The following CRAMP1 variants were observed in gnomAD, a reference collection of about 807,000 sequenced individuals.
CRAMP1 encodes the protein cramped chromatin regulator 1.
Under a neutral mutation model 115.4 loss-of-function variants are expected in CRAMP1, and 50 were observed. The ratio of observed to expected loss-of-function variants is 0.43; its 90% CI spans 0.35 to 0.55. The LOEUF (loss-of-function observed/expected upper bound fraction) is 0.55. Ranked by LOEUF, CRAMP1 falls within the 20% of genes least tolerant of loss-of-function variation. CRAMP1 has a pLI of 0.01. For missense variants in CRAMP1, 1,679 were observed against 1,721.7 expected (o/e 0.98, Z 0.44); for synonymous variants, 866 against 745.4 (o/e 1.16, Z -2.64).
rs1273007050 is a variant in CRAMP1 at position 1,666,404 on chromosome 16, C to T, written c.2858-18C>T. 7 of 1,605,824 alleles carry T rather than the reference C, an allele frequency of 4.4e-6. No homozygotes were observed. Among genetic ancestry groups the T allele is most frequent in the East Asian group, 2.2e-5 (1 of 44,636 alleles). On this transcript the variant is annotated intron_variant, in intron 15 of 20. Transcript: ENST00000397412. This position sits in a 1 kb window ranked among gnomAD's most constrained non-coding sequence, Gnocchi z 5.0. ...TTGTCAGTAGAGCAGAGATGTGCAG[C>T]GTCCTTTTTGTTGCCAGGTGCTATC...
At chr16:1,649,307 C>T (rs2036702931) in intron 6 of CRAMP1, among the ~76,000 whole-genome samples, 2 of 151,880 alleles carry the variant, frequency 1.3e-5, no homozygotes, top group Admixed American at 6.6e-5. Flanking sequence ...CAGACGGACA[C>T]GTGAGTGGAT....
At chr16:1,636,696 T>G (rs536779188) in intron 4 of CRAMP1, among the ~76,000 whole-genome samples, 1 of 152,328 alleles carries the variant, frequency 6.6e-6, no homozygotes, top group South Asian at 2.1e-4. Flanking sequence ...TTAGGTCTGG[T>G]GTAATACAGT....
intron 4 of CRAMP1, among the ~76,000 whole-genome samples, chr16:1,637,186 T>G (rs2036595872): frequency 6.6e-6 from 1 of 151,722 alleles, no homozygotes; most frequent in African/African-American, 2.4e-5. Flanking sequence ...CTCAGCTACT[T>G]GGGAGGCTGA....
chr16:1,633,749 C>G (rs1281929756), intron 4 of CRAMP1, among the ~76,000 whole-genome samples: 2 of 152,134 alleles, frequency 1.3e-5, no homozygotes, highest in African/African-American at 4.8e-5. Context: ...TGTCGTCTGT[C>G]CTTTGCATCG....
At chr16:1,662,374 G>A in intron 11 of CRAMP1, 116 bp from the exon 12 acceptor site, 2 of 789,766 alleles carry the variant, frequency 2.5e-6, no homozygotes, top group Non-Finnish European at 4.2e-6. Flanking sequence ...TTTCAAGGCA[G>A]CCGAACGGGT....
intron 6 of CRAMP1, among the ~76,000 whole-genome samples, chr16:1,641,713 T>G (rs1341338744): frequency 6.6e-6 from 1 of 152,214 alleles, no homozygotes; most frequent in Non-Finnish European, 1.5e-5. Context: ...GATGGTCCAG[T>G]TGACATCTGC....
intron 5 of CRAMP1, among the ~76,000 whole-genome samples, chr16:1,640,406 C>CTA (rs2036622412): frequency 6.6e-6 from 1 of 152,184 alleles, no homozygotes; most frequent in East Asian, 1.9e-4. Flanking sequence ...GGTGCATTGT[C>CTA]TGTCTGTGGC....
At chr16:1,620,323 G>T (rs968455889) in intron 2 of CRAMP1, among the ~76,000 whole-genome samples, 2 of 152,208 alleles carry the variant, frequency 1.3e-5, no homozygotes, top group African/African-American at 4.8e-5. Flanking sequence ...AGGCCATGAG[G>T]ACGTTTCCCG....
At chr16:1,638,982 C>T (rs1319189077) in intron 5 of CRAMP1, among the ~76,000 whole-genome samples, 2 of 152,040 alleles carry the variant, frequency 1.3e-5, no homozygotes, top group Non-Finnish European at 2.9e-5. Flanking sequence ...CACTCATGTC[C>T]GTGGGCCTCG....
At position 1,614,991 on chromosome 16, in the gene CRAMP1, G is replaced by A; in HGVS notation, c.346+6G>A. The A allele has an allele frequency of 1.6e-6, 2 of 1,249,210 alleles. No homozygotes were observed. The highest frequency in any genetic ancestry group is 7.4e-5 in the South Asian group (2 of 27,138). 77.4% of individuals were successfully genotyped at this position (1,249,210 alleles called of 1,614,324 possible). On this transcript the variant is annotated splice_donor_region_variant and intron_variant, in intron 2 of 20. Coordinates refer to ENST00000397412, the MANE Select transcript of CRAMP1 (RefSeq NM_020825.4). The surrounding 1 kb of genome is among the most constrained non-coding windows in gnomAD (Gnocchi z 4.4). ...CTCGGGGCCCCGCGGAAAAGGTAGGGCGGCCCGTCCCCTTGGGAGACCCCA... is the reference window on the plus strand; with the variant it reads ...CTCGGGGCCCCGCGGAAAAGGTAGGACGGCCCGTCCCCTTGGGAGACCCCA...
At chr16:1,668,268 C>G in intron 18 of CRAMP1, 75 bp downstream of exon 18, 3 of 1,096,074 alleles carry the variant, frequency 2.7e-6, no homozygotes, top group Non-Finnish European at 4.2e-6. Flanking sequence ...GCCACACTTC[C>G]TGGGGATATT....
chr16:1,624,393 T>C (rs1017875659), intron 2 of CRAMP1, among the ~76,000 whole-genome samples: 2 of 151,794 alleles, frequency 1.3e-5, no homozygotes, highest in African/African-American at 2.4e-5. Flanking sequence ...ATTTTTACAA[T>C]AATCTACATT....
intron 3 of CRAMP1, among the ~76,000 whole-genome samples, chr16:1,626,427 G>T (rs953221168): frequency 2.6e-5 from 4 of 152,126 alleles, no homozygotes; most frequent in African/African-American, 9.7e-5. Flanking sequence ...TTTCCTTTTG[G>T]ATATTCTCAC....
chr16:1,664,886 C>G (rs1424456601), intron 13 of CRAMP1, among the ~76,000 whole-genome samples, 171 bp from the exon 14 acceptor site: 1 of 152,070 alleles, frequency 6.6e-6, no homozygotes, highest in Non-Finnish European at 1.5e-5. Flanking sequence ...GCTTGGGGTA[C>G]ATGGGTCCTA....
intron 6 of CRAMP1, among the ~76,000 whole-genome samples, 195 bp downstream of exon 6, chr16:1,641,382 C>A (rs909120653): frequency 1.3e-5 from 2 of 152,156 alleles, no homozygotes; most frequent in Admixed American, 1.3e-4. Context: ...GTGCCTGCCC[C>A]GGGGAGGGAA....
chr16:1,641,562 G>A (rs982551602), intron 6 of CRAMP1, among the ~76,000 whole-genome samples: 8 of 152,082 alleles, frequency 5.3e-5, no homozygotes, highest in African/African-American at 1.2e-4. Flanking sequence ...CATTTTTGTC[G>A]TGTCCTGGGC....
At position 1,627,135 on chromosome 16, in the gene CRAMP1, C is replaced by T. The variant is rs371496215; in HGVS notation, c.540+969C>T. On this transcript the variant is annotated intron_variant, in intron 3 of 20. Coordinates refer to ENST00000397412, the MANE Select transcript of CRAMP1 (RefSeq NM_020825.4). ...ACAGTATTAGAATTAGGTTCGTGATCGGTGAGCCTTGTTCTTTTTTTTTTT... is the reference window on the plus strand; with the variant it reads ...ACAGTATTAGAATTAGGTTCGTGATTGGTGAGCCTTGTTCTTTTTTTTTTT... Among the ~76,000 whole-genome samples the T allele has an allele frequency of 4.8e-4, 73 of 152,006 alleles. 2 individuals are homozygous for T. The South Asian group carries it at 0.013, about 27-fold the overall frequency.
chr16:1,624,309 G>A (rs540699313), intron 2 of CRAMP1, among the ~76,000 whole-genome samples: 22 of 152,252 alleles, frequency 1.4e-4, no homozygotes, highest in African/African-American at 4.6e-4. Context: ...TGGCTGCCCA[G>A]GCAGGGCCCC....
At chr16:1,623,311 C>G (rs1010435173) in intron 2 of CRAMP1, among the ~76,000 whole-genome samples, 2 of 152,348 alleles carry the variant, frequency 1.3e-5, no homozygotes, top group Non-Finnish European at 2.9e-5. Flanking sequence ...GCTGCCTTTA[C>G]TGTTGTGCCT....
Sources: gnomAD v4.1 joint callset for allele counts (sites outside exome capture counted in the v4.1 genomes callset) on GRCh38, gnomAD v4.1.1 for gene constraint, Gnocchi (gnomAD v3.1) non-coding constraint, MANE v1.5 for transcripts, NCBI Gene and HGNC (gene_info 2026-07-23, HGNC 2026-07-21) for gene names.